HMCN1: variants seen among roughly 807,000 people sequenced by gnomAD.
HMCN1 encodes the protein hemicentin 1.
Under a neutral mutation model 625.9 loss-of-function variants are expected in HMCN1, and 321 were observed. The observed-to-expected ratio is 0.51, with a 90% CI of 0.47 to 0.56. The LOEUF is 0.56. Ranked by LOEUF, HMCN1 falls within the 20% of genes least tolerant of loss-of-function variation. The probability of loss-of-function intolerance (pLI) is 0.00; values close to 1 mark genes in which losing one functional copy is unlikely to be tolerated. For synonymous variants in HMCN1, 2,425 were observed against 2,417.6 expected (o/e 1.00, Z -0.09); for missense variants, 6,588 against 6,887.3 (o/e 0.96, Z 1.54).
chr1:185,896,477 G>A (rs16824673), intron 4 of HMCN1, among the ~76,000 whole-genome samples: 1,927 of 152,090 alleles, frequency 0.013, 44 homozygotes, highest in African/African-American at 0.044. Context: ...ATTATTTGCA[G>A]GTAGTACAAT....
At chr1:185,894,800 A>G (rs1665390788) in intron 4 of HMCN1, among the ~76,000 whole-genome samples, 1 of 152,210 alleles carries the variant, frequency 6.6e-6, no homozygotes, top group Non-Finnish European at 1.5e-5. Flanking sequence ...ATAGAAGACA[A>G]GTACTTTAGA....
At chr1:186,054,291 G>A (rs1403453724) in intron 44 of HMCN1, among the ~76,000 whole-genome samples, 2 of 151,674 alleles carry the variant, frequency 1.3e-5, no homozygotes, top group African/African-American at 4.8e-5. Flanking sequence ...TTTAACATAG[G>A]GGATATTTAC....
At chr1:185,876,771 T>C (rs910056949) in intron 4 of HMCN1, among the ~76,000 whole-genome samples, 1 of 152,066 alleles carries the variant, frequency 6.6e-6, no homozygotes, top group African/African-American at 2.4e-5. Flanking sequence ...TTTTTTCTTC[T>C]TGTTGAGTTG....
chr1:186,177,538 A>G (rs1652675312), intron 103 of HMCN1, among the ~76,000 whole-genome samples: 1 of 152,196 alleles, frequency 6.6e-6, no homozygotes, highest in Non-Finnish European at 1.5e-5. Flanking sequence ...GACAAGCAAT[A>G]TGATATGGTT....
intron 51 of HMCN1, 110 bp from the exon 52 acceptor site, chr1:186,070,502 C>T (rs1658410370): frequency 2.2e-6 from 2 of 916,798 alleles, no homozygotes; most frequent in Non-Finnish European, 3.6e-6. Flanking sequence ...GCATAGAATG[C>T]CTCTGTTATT....
chr1:185,881,020 T>G (rs1202633202), intron 4 of HMCN1, among the ~76,000 whole-genome samples: 1 of 152,206 alleles, frequency 6.6e-6, no homozygotes, highest in Non-Finnish European at 1.5e-5. Context: ...CAGCCAGTGG[T>G]GTCTGCGACT....
chr1:185,997,810 CTTT>C (rs71691991), intron 25 of HMCN1, among the ~76,000 whole-genome samples: 4,213 of 142,278 alleles, frequency 0.03, 204 homozygotes, highest in African/African-American at 0.1. Context: ...TTATTTCATT[CTTT>C]TTTTTTTTTT....
chr1:185,892,634 G>A (rs553891872), intron 4 of HMCN1, among the ~76,000 whole-genome samples: 4 of 152,174 alleles, frequency 2.6e-5, no homozygotes, highest in Non-Finnish European at 4.4e-5. Flanking sequence ...GGGGTCGGGG[G>A]TCAGGGACCC....
chr1:186,019,839 G>A, intron 35 of HMCN1, 144 bp downstream of exon 35: 1 of 610,870 alleles, frequency 1.6e-6, no homozygotes, highest in Non-Finnish European at 2.7e-6. Context: ...ATTTTTCTTA[G>A]AGTTTTTAAG....
At chr1:185,946,108 G>T (rs543402278) in intron 11 of HMCN1, among the ~76,000 whole-genome samples, 11 of 152,300 alleles carry the variant, frequency 7.2e-5, no homozygotes, top group African/African-American at 2.4e-4. Context: ...CAGCTGGAAG[G>T]ATGGGAGATT....
At chr1:185,889,454 G>A (rs1486394245) in intron 4 of HMCN1, among the ~76,000 whole-genome samples, 1 of 146,174 alleles carries the variant, frequency 6.8e-6, no homozygotes, top group African/African-American at 2.8e-5. Flanking sequence ...GTTTGTCATA[G>A]ATAGCTCTTA....
chr1:186,003,968 GA>G, intron 29 of HMCN1, 124 bp downstream of exon 29: 2 of 936,844 alleles, frequency 2.1e-6, no homozygotes, highest in South Asian at 1.5e-5. Flanking sequence ...GAGCATACAG[GA>G]AAAACAATAT....
intron 105 of HMCN1, among the ~76,000 whole-genome samples, chr1:186,186,026 G>A (rs568527428): frequency 1.1e-3 from 161 of 152,208 alleles, no homozygotes; most frequent in African/African-American, 3.6e-3. Context: ...GAATTATGGC[G>A]TTGTTATACA....
chr1:185,826,295 T>C (rs1042712175), intron 1 of HMCN1, among the ~76,000 whole-genome samples: 4 of 152,200 alleles, frequency 2.6e-5, no homozygotes, highest in African/African-American at 9.7e-5. Flanking sequence ...TATCACCTCA[T>C]CTTCGCAGAA....
rs1274437852 is a variant in HMCN1 at position 185,977,789 on chromosome 1, C to T, written c.2374C>T (p.Pro792Ser). ...TGKITLDVGS[P>S]PVFIQEPADV... is the part of the protein sequence containing the mutation. ...TTGTTGTTTGTAATGTCTTCCAGCA[C>T]CTCCAGTTTTCATACAAGAACCTGC... Residue 792 changes from proline to serine, a missense_variant and splice_region_variant, in exon 16 of 107, where the codon CCT becomes TCT. Around this residue, in one of 3 missense-constraint regions of HMCN1, gnomAD observed 4,628 missense variants for 4,853.1 expected, o/e 0.95. Coordinates refer to ENST00000271588, the MANE Select transcript of HMCN1 (RefSeq NM_031935.3). 5 of 1,607,528 alleles carry T rather than the reference C, an allele frequency of 3.1e-6. No homozygotes were observed. Among genetic ancestry groups the T allele is most frequent in the Non-Finnish European group, 4.3e-6 (5 of 1,174,372 alleles).
At chr1:186,116,948 T>C (rs946939013) in intron 75 of HMCN1, 46 bp from the exon 76 acceptor site, 1 of 1,607,598 alleles carries the variant, frequency 6.2e-7, no homozygotes, top group Non-Finnish European at 8.5e-7. Flanking sequence ...GGAAAATTTA[T>C]GAAAACCTAC....
At chr1:185,958,180 C>T (rs1192338396) in intron 11 of HMCN1, among the ~76,000 whole-genome samples, 1 of 152,048 alleles carries the variant, frequency 6.6e-6, no homozygotes, top group East Asian at 1.9e-4. Flanking sequence ...TCACTGCAAC[C>T]TTTGGCTCAC....
intron 68 of HMCN1, among the ~76,000 whole-genome samples, chr1:186,096,096 A>G (rs1225407756): frequency 1.3e-5 from 2 of 152,166 alleles, no homozygotes; most frequent in African/African-American, 2.4e-5. Flanking sequence ...AAGTATTTCA[A>G]TAACCAAGAG....
chr1:185,820,054 G>C (rs953887136), intron 1 of HMCN1, among the ~76,000 whole-genome samples: 10 of 152,184 alleles, frequency 6.6e-5, no homozygotes, highest in Non-Finnish European at 1.5e-4. Flanking sequence ...AAAAGGTTTG[G>C]AGAACCACTG....
Sources: gnomAD v4.1 joint callset for allele counts (sites outside exome capture counted in the v4.1 genomes callset) on GRCh38, gnomAD v4.1.1 for gene constraint, gnomAD v4.1.1 regional missense constraint, MANE v1.5 for transcripts, NCBI Gene and HGNC (gene_info 2026-07-23, HGNC 2026-07-21) for gene names.